UNC5D: variants seen among roughly 807,000 people sequenced by gnomAD.
The protein encoded by UNC5D is netrin receptor UNC5D.
A neutral mutation model predicts 105.4 loss-of-function variants in UNC5D; 39 were observed. The observed-to-expected ratio is 0.37, with a 90% CI of 0.29 to 0.48. UNC5D has a LOEUF of 0.48. Among genes scored for constraint, UNC5D ranks in the 20% least tolerant of loss-of-function variants. The probability of loss-of-function intolerance (pLI) is 0.98; values close to 1 mark genes in which losing one functional copy is unlikely to be tolerated. For missense variants in UNC5D, 991 were observed against 1,202.4 expected (o/e 0.82, Z 2.60); for synonymous variants, 452 against 450.4 (o/e 1.00, Z -0.04).
chr8:35,355,934 A>C (rs1801526516), intron 1 of UNC5D, among the ~76,000 whole-genome samples: 1 of 152,042 alleles, frequency 6.6e-6, no homozygotes, highest in Non-Finnish European at 1.5e-5. Context: ...AAACCTGGGG[A>C]GTCTTGATCT....
intron 2 of UNC5D, among the ~76,000 whole-genome samples, chr8:35,566,380 C>T (rs752759388): frequency 1.1e-4 from 16 of 152,132 alleles, no homozygotes; most frequent in South Asian, 2.1e-4. Flanking sequence ...CCTCCTCCAT[C>T]GAGAGTTCTG....
chr8:35,282,917 G>A (rs527569619), intron 1 of UNC5D, among the ~76,000 whole-genome samples: 22 of 151,808 alleles, frequency 1.4e-4, no homozygotes, highest in African/African-American at 5.3e-4. Flanking sequence ...CTTTTTTTGG[G>A]CAGCTTTTTT....
At chr8:35,320,565 A>G (rs1164952172) in intron 1 of UNC5D, among the ~76,000 whole-genome samples, 1 of 152,146 alleles carries the variant, frequency 6.6e-6, no homozygotes, top group African/African-American at 2.4e-5. Context: ...AAAGAAATAT[A>G]TTTTGGGCTA....
chr8:35,581,239 C>T (rs1262063210), intron 3 of UNC5D, among the ~76,000 whole-genome samples: 1 of 152,074 alleles, frequency 6.6e-6, no homozygotes, highest in Non-Finnish European at 1.5e-5. Context: ...CATCTTGAGG[C>T]CTCTTCCCTC....
intron 1 of UNC5D, among the ~76,000 whole-genome samples, chr8:35,542,289 A>T (rs572250880): frequency 6.6e-6 from 1 of 152,326 alleles, no homozygotes; most frequent in South Asian, 2.1e-4. Context: ...TTAAGTAACC[A>T]TATGGAGACA....
At chr8:35,289,821 G>A (rs866065148) in intron 1 of UNC5D, among the ~76,000 whole-genome samples, 21 of 151,986 alleles carry the variant, frequency 1.4e-4, no homozygotes, top group African/African-American at 4.6e-4. Flanking sequence ...TAGAAAAATC[G>A]AAACCACAAT....
At chr8:35,614,367 A>G (rs1820879887) in intron 4 of UNC5D, among the ~76,000 whole-genome samples, 1 of 152,146 alleles carries the variant, frequency 6.6e-6, no homozygotes, top group Non-Finnish European at 1.5e-5. Flanking sequence ...TTCACTAGAG[A>G]AAGGTTAAGT....
At chr8:35,729,211 G>A (rs1829055485) in intron 10 of UNC5D, among the ~76,000 whole-genome samples, 1 of 152,168 alleles carries the variant, frequency 6.6e-6, no homozygotes. Flanking sequence ...AAAGGAATAA[G>A]GTGTGATCTG....
At chr8:35,347,396 C>G (rs1349371865) in intron 1 of UNC5D, among the ~76,000 whole-genome samples, 1 of 151,940 alleles carries the variant, frequency 6.6e-6, no homozygotes, top group Admixed American at 6.6e-5. Flanking sequence ...TGGCATTCAC[C>G]CTTCATCTTT....
chr8:35,740,508 A>C (rs1829705060), intron 11 of UNC5D, among the ~76,000 whole-genome samples: 1 of 152,094 alleles, frequency 6.6e-6, no homozygotes, highest in Admixed American at 6.6e-5. Flanking sequence ...ACTGTGGGAT[A>C]ATTTGTGATT....
At chr8:35,242,351 G>A (rs1802855232) in intron 1 of UNC5D, among the ~76,000 whole-genome samples, 1 of 152,222 alleles carries the variant, frequency 6.6e-6, no homozygotes, top group African/African-American at 2.4e-5. Flanking sequence ...GGCATAGGAA[G>A]GAGAAGATGC....
chr8:35,780,498 C>A (rs1802455059), intron 16 of UNC5D, among the ~76,000 whole-genome samples: 1 of 152,200 alleles, frequency 6.6e-6, no homozygotes, highest in Non-Finnish European at 1.5e-5. Flanking sequence ...GCTTAGCAAT[C>A]TGTTTCTGAA....
intron 4 of UNC5D, among the ~76,000 whole-genome samples, chr8:35,640,790 A>G (rs895015187): frequency 7.9e-5 from 12 of 152,300 alleles, no homozygotes; most frequent in Non-Finnish European, 1.2e-4. Flanking sequence ...GTAGACTATG[A>G]TTTTTAAAAT....
At chr8:35,696,853 T>G (rs1000895183) in intron 7 of UNC5D, among the ~76,000 whole-genome samples, 1 of 152,144 alleles carries the variant, frequency 6.6e-6, no homozygotes, top group African/African-American at 2.4e-5. Flanking sequence ...CTGGCCTTCT[T>G]ACGTGTGTTT....
chr8:35,427,145 C>A (rs2128971450), intron 1 of UNC5D, among the ~76,000 whole-genome samples: 1 of 152,212 alleles, frequency 6.6e-6, no homozygotes, highest in Middle Eastern at 3.4e-3. Context: ...ATTCAGGGTT[C>A]CCCCCAACTA....
At chr8:35,246,262 G>C (rs1001947315) in intron 1 of UNC5D, among the ~76,000 whole-genome samples, 1 of 151,916 alleles carries the variant, frequency 6.6e-6, no homozygotes, top group Admixed American at 6.6e-5. Context: ...GCTTTTCTTG[G>C]CATTTTAAAT....
intron 1 of UNC5D, among the ~76,000 whole-genome samples, chr8:35,536,888 C>T (rs529431264): frequency 1.3e-5 from 2 of 151,818 alleles, no homozygotes; most frequent in Non-Finnish European, 2.9e-5. Flanking sequence ...CCCAGCTACT[C>T]GGGAGGCTGA....
At chr8:35,743,652 A>T (rs745916760) in intron 11 of UNC5D, among the ~76,000 whole-genome samples, 1 of 152,016 alleles carries the variant, frequency 6.6e-6, no homozygotes, top group Admixed American at 6.6e-5. Flanking sequence ...AATTGCAATA[A>T]TATCAAGAAT....
chr8:35,551,037 T>C (rs959502077), intron 2 of UNC5D, among the ~76,000 whole-genome samples: 4 of 152,190 alleles, frequency 2.6e-5, no homozygotes, highest in Admixed American at 2.6e-4. Context: ...TGGAGCCCTT[T>C]ACTTAGTTTT....
Sources: allele counts gnomAD v4.1 joint callset (sites outside exome capture counted in the v4.1 genomes callset), GRCh38; gene constraint gnomAD v4.1.1; transcripts MANE v1.5; gene names NCBI Gene and HGNC (gene_info 2026-07-23, HGNC 2026-07-21).